Variants in PPARGC1A observed in about 807,000 individuals in gnomAD.
PPARGC1A encodes peroxisome proliferator-activated receptor gamma coactivator 1-alpha.
Under a neutral mutation model 88.7 loss-of-function variants are expected in PPARGC1A, and 25 were observed. The observed-to-expected ratio is 0.28, with a 90% confidence interval of 0.21 to 0.39. The LOEUF is 0.39. Ranked by LOEUF, PPARGC1A falls within the 10% of genes least tolerant of loss-of-function variation. The probability of loss-of-function intolerance (pLI) is 1.00; values close to 1 mark genes in which losing one functional copy is unlikely to be tolerated. For missense variants in PPARGC1A, 880 were observed against 968.7 expected, an observed-to-expected ratio of 0.91 and a Z score of 1.22; for synonymous variants, 363 against 355.6, an observed-to-expected ratio of 1.02 and a Z score of -0.24.
the PPARGC1A span, among the ~76,000 whole-genome samples, chr4:24,020,399 G>GTACCTATCAT: frequency 4.6e-5 from 7 of 152,218 alleles, no homozygotes; most frequent in South Asian, 1.5e-3. Context: ...AATATTGACT[G>GTACCTATCAT]TACCTATCAT....
the PPARGC1A span, among the ~76,000 whole-genome samples, chr4:24,462,553 C>T: frequency 6.6e-6 from 1 of 151,952 alleles, no homozygotes; most frequent in Non-Finnish European, 1.5e-5. Context: ...GTGACCTTGG[C>T]TACGTTACTT....
the PPARGC1A span, among the ~76,000 whole-genome samples, chr4:24,074,801 C>T: frequency 6.6e-6 from 1 of 152,182 alleles, no homozygotes; most frequent in Middle Eastern, 3.2e-3. Context: ...GTGTTCCCTA[C>T]ACCCTAACTC....
At chr4:24,152,643 G>C in the PPARGC1A span, among the ~76,000 whole-genome samples, 1 of 152,186 alleles carries the variant, frequency 6.6e-6, no homozygotes, top group Non-Finnish European at 1.5e-5. Flanking sequence ...TAGCTATGAA[G>C]TAACTTCCAA....
chr4:24,024,203 C>A, the PPARGC1A span, among the ~76,000 whole-genome samples: 1 of 152,176 alleles, frequency 6.6e-6, no homozygotes, highest in East Asian at 1.9e-4. Context: ...TTACAAAGCA[C>A]ACTCTATGTG....
At chr4:24,119,311 C>A in the PPARGC1A span, among the ~76,000 whole-genome samples, 2 of 152,332 alleles carry the variant, frequency 1.3e-5, no homozygotes, top group South Asian at 4.1e-4. Context: ...CAATGCTATC[C>A]TGTCACCAGA....
chr4:24,256,738 T>G, the PPARGC1A span, among the ~76,000 whole-genome samples: 3 of 152,148 alleles, frequency 2.0e-5, no homozygotes, highest in African/African-American at 7.2e-5. Flanking sequence ...GATGTGGGCT[T>G]TGCTGTCTTG....
At chr4:24,217,500 C>A in the PPARGC1A span, among the ~76,000 whole-genome samples, 2 of 152,056 alleles carry the variant, frequency 1.3e-5, no homozygotes, top group African/African-American at 4.8e-5. Context: ...AGAGAAGGGG[C>A]CTGGTATAAG....
At chr4:24,300,588 G>C in the PPARGC1A span, among the ~76,000 whole-genome samples, 1 of 151,518 alleles carries the variant, frequency 6.6e-6, no homozygotes, top group Non-Finnish European at 1.5e-5. Context: ...AATTAAATTG[G>C]CCCATCAGTT....
chr4:24,194,915 G>A, the PPARGC1A span, among the ~76,000 whole-genome samples: 1 of 152,150 alleles, frequency 6.6e-6, no homozygotes, highest in East Asian at 1.9e-4. Flanking sequence ...ATGGTTAGCT[G>A]TTGAGATCAA....
the PPARGC1A span, among the ~76,000 whole-genome samples, chr4:24,464,939 C>A: frequency 1.3e-5 from 2 of 152,194 alleles, no homozygotes; most frequent in Non-Finnish European, 2.9e-5. Flanking sequence ...GCAACTACAC[C>A]GAACAAATGC....
At chr4:24,011,682 A>G in the PPARGC1A span, among the ~76,000 whole-genome samples, 1 of 152,206 alleles carries the variant, frequency 6.6e-6, no homozygotes, top group Non-Finnish European at 1.5e-5. Flanking sequence ...ACCTGAATTT[A>G]GTCAGTCCAG....
At chr4:23,937,169 A>G in the PPARGC1A span, among the ~76,000 whole-genome samples, 8 of 151,792 alleles carry the variant, frequency 5.3e-5, no homozygotes, top group East Asian at 1.9e-4. Flanking sequence ...TATGATTATA[A>G]TATTTCCAAA....
chr4:24,194,945 T>C, the PPARGC1A span, among the ~76,000 whole-genome samples: 6 of 152,222 alleles, frequency 3.9e-5, no homozygotes, highest in African/African-American at 1.4e-4. Flanking sequence ...TCTTCCTGGT[T>C]TGCCCAGTAT....
chr4:24,258,409 C>T, the PPARGC1A span, among the ~76,000 whole-genome samples: 3 of 152,152 alleles, frequency 2.0e-5, no homozygotes, highest in Non-Finnish European at 2.9e-5. Flanking sequence ...CCTTCCCCAT[C>T]ACAATGCATC....
chr4:23,968,810 G>C, the PPARGC1A span, among the ~76,000 whole-genome samples: 1 of 152,062 alleles, frequency 6.6e-6, no homozygotes, highest in African/African-American at 2.4e-5. Context: ...AGCTACTAAG[G>C]AGGCTGAGGC....
the PPARGC1A span, among the ~76,000 whole-genome samples, chr4:24,423,071 T>G: frequency 2.0e-5 from 3 of 152,190 alleles, no homozygotes; most frequent in Admixed American, 1.3e-4. Flanking sequence ...ACATGGTGTT[T>G]ATAGATATAA....
chr4:23,813,739 G>A lies in PPARGC1A; in HGVS notation c.1744C>T (p.Pro582Ser), dbSNP rs1410355544. The change falls in exon 8 of 13, where the codon CCA becomes TCA. Residue 582 changes from proline to serine, a missense_variant. By Grantham distance (74) the Pro-to-Ser change is moderately conservative (BLOSUM62 -1). Transcript: ENST00000264867. The part of the protein sequence containing the change: ...FSRHRSCSRS[P>S]YSRSRSRSPG... ...GACCTTGATCTTGACCTGGAATATGGTGATCGGGAACACGACCTGTGTCGA... is the reference window on the plus strand; with the variant it reads ...GACCTTGATCTTGACCTGGAATATGATGATCGGGAACACGACCTGTGTCGA... 1 of 1,612,726 alleles carries A rather than the reference G, an allele frequency of 6.2e-7. No individual in the cohort carries two copies. Among genetic ancestry groups the A allele is most frequent in the South Asian group, 1.1e-5 (1 of 90,942 alleles).
chr4:24,103,339 C>T, the PPARGC1A span, among the ~76,000 whole-genome samples: 2 of 152,056 alleles, frequency 1.3e-5, no homozygotes, highest in Non-Finnish European at 2.9e-5. Context: ...AGATTAAAGA[C>T]TCACTTCAGG....
chr4:24,408,768 C>G, the PPARGC1A span, among the ~76,000 whole-genome samples: 1 of 152,156 alleles, frequency 6.6e-6, no homozygotes, highest in Non-Finnish European at 1.5e-5. Context: ...TGACTCTAGC[C>G]CCAGCTAAAA....
Sources: gnomAD v4.1 joint callset for allele counts (sites outside exome capture counted in the v4.1 genomes callset) on GRCh38, gnomAD v4.1.1 for gene constraint, MANE v1.5 for transcripts, NCBI Gene and HGNC (gene_info 2026-07-23, HGNC 2026-07-21) for gene names.